Variants in FRMPD4 observed in about 807,000 individuals in gnomAD.
FRMPD4 encodes the protein FERM and PDZ domain containing 4, also known as FERM and PDZ domain-containing protein 4.
Under a neutral mutation model 94.1 loss-of-function variants are expected in FRMPD4, and 22 were observed. That is an observed-to-expected ratio of 0.23 (90% confidence interval 0.17 to 0.33). The LOEUF (loss-of-function observed/expected upper bound fraction) is 0.33. FRMPD4 is among the 10% of genes least tolerant of loss of function. The pLI, the probability that FRMPD4 is intolerant of heterozygous loss-of-function variation, is 1.00. For synonymous variants in FRMPD4, 631 were observed against 548.6 expected (o/e 1.15, Z -2.10); for missense variants, 1,111 against 1,339.9 (o/e 0.83, Z 2.67).
Position 12,626,211 on chromosome X carries a change from T to C in FRMPD4, c.422+11330T>C, listed in dbSNP as rs1345720695. On this transcript the variant is annotated intron_variant, in intron 4 of 16. Transcript: ENST00000675598. ...AGGCATGGTGGTACACACCTGTAGT[T>C]CCAGCTACTCGAGAGGCTGAGGCAG... 1.2e-4 allele frequency among the ~76,000 whole-genome samples: 13 copies of C among 108,357 alleles called. No individual in the cohort carries two copies. The Admixed American group carries it at 1.3e-3, about 11-fold the overall frequency. 94.1% of individuals were successfully genotyped at this position (108,357 alleles called of 115,157 possible).
At chrX:11,908,314 C>A (rs995943086) in intron 3 of FRMPD4, among the ~76,000 whole-genome samples, 4 of 111,913 alleles carry the variant, frequency 3.6e-5, no homozygotes, top group Admixed American at 2.8e-4. Flanking sequence ...TCTGCCTGTA[C>A]ACAGCCTCCT....
intron 3 of FRMPD4, among the ~76,000 whole-genome samples, chrX:12,124,321 T>C (rs2055481703): frequency 8.9e-6 from 1 of 111,849 alleles, no homozygotes; most frequent in Admixed American, 9.5e-5. Context: ...AATAAGTATT[T>C]TTTTCTCCCA....
upstream of FRMPD4, among the ~76,000 whole-genome samples, chrX:12,138,284 A>T (rs952767346): frequency 8.9e-6 from 1 of 112,446 alleles, no homozygotes; most frequent in Non-Finnish European, 1.9e-5. Context: ...CTGCGGTTGC[A>T]CGGCTCTCCT....
chrX:12,471,920 T>C (rs1333431478), intron 1 of FRMPD4, among the ~76,000 whole-genome samples: 3 of 111,851 alleles, frequency 2.7e-5, no homozygotes, highest in Non-Finnish European at 3.8e-5. Context: ...AATGTGGATA[T>C]ATAATGCAAC....
At chrX:12,397,808 C>T (rs1343981738) in intron 1 of FRMPD4, among the ~76,000 whole-genome samples, 1 of 111,617 alleles carries the variant, frequency 9.0e-6, no homozygotes, top group African/African-American at 3.3e-5. Context: ...TGGCTGGCAG[C>T]ATGGTTGCTA....
intron 2 of FRMPD4, among the ~76,000 whole-genome samples, chrX:12,577,757 G>A (rs1196291286): frequency 9.0e-6 from 1 of 111,724 alleles, no homozygotes; most frequent in East Asian, 2.8e-4. Flanking sequence ...AAACTGGAGT[G>A]GATGCAAGAG....
At chrX:12,661,400 T>G (rs2059712144) in intron 4 of FRMPD4, among the ~76,000 whole-genome samples, 1 of 112,131 alleles carries the variant, frequency 8.9e-6, no homozygotes, top group Non-Finnish European at 1.9e-5. Flanking sequence ...CACTCAAGGG[T>G]GAAAATGGTA....
chrX:11,918,037 C>A (rs940461452), intron 3 of FRMPD4, among the ~76,000 whole-genome samples: 1 of 111,737 alleles, frequency 8.9e-6, no homozygotes, highest in African/African-American at 3.3e-5. Context: ...TGTTGAGGCT[C>A]TGGACTAAAC....
chrX:12,178,280 G>A (rs1377167743), intron 1 of FRMPD4, among the ~76,000 whole-genome samples: 2 of 111,272 alleles, frequency 1.8e-5, no homozygotes, highest in African/African-American at 6.5e-5. Context: ...ATACATTTCT[G>A]TTGTTTATAA....
In FRMPD4 at chrX:12,139,191, T is replaced by G. The variant is rs930440172; in HGVS notation, c.41+179T>G. Among the ~76,000 whole-genome samples, 4 of 111,447 alleles carry G rather than the reference T, an allele frequency of 3.6e-5. 1 individual carries two copies. The highest frequency in any genetic ancestry group is 7.6e-5 in the Non-Finnish European group (4 of 52,937). On this transcript the variant is annotated intron_variant, in intron 1 of 16. Coordinates refer to ENST00000675598, the MANE Select transcript of FRMPD4 (RefSeq NM_001368397.1). ...TTCTCACTGGCTGCTGAGGCTTGTG[T>G]AGCGGCGGGTGTAGACCACACACAG...
intron 3 of FRMPD4, among the ~76,000 whole-genome samples, chrX:11,890,535 GT>G (rs918244651): frequency 8.9e-6 from 1 of 112,471 alleles, no homozygotes; most frequent in African/African-American, 3.2e-5. Flanking sequence ...CTATTATGTG[GT>G]TTGTTTTTCA....
chrX:11,935,373 C>T (rs900451326), intron 3 of FRMPD4, among the ~76,000 whole-genome samples: 1 of 18,478 alleles, frequency 5.4e-5, no homozygotes, highest in African/African-American at 1.8e-4. Context: ...CATGCTTGTG[C>T]GCTGCACCCA....
At chrX:11,846,015 G>A (rs1307926860) in intron 1 of FRMPD4, among the ~76,000 whole-genome samples, 1 of 102,557 alleles carries the variant, frequency 9.8e-6, no homozygotes, top group Non-Finnish European at 2.0e-5. Context: ...ACATAGTGTT[G>A]GAAGTTCTGG....
intron 2 of FRMPD4, among the ~76,000 whole-genome samples, chrX:12,578,601 T>G (rs1276745724): frequency 1.8e-5 from 2 of 112,151 alleles, no homozygotes; most frequent in African/African-American, 6.5e-5. Context: ...TTTATGTTAC[T>G]GTTTTCGAAC....
intron 1 of FRMPD4, among the ~76,000 whole-genome samples, chrX:12,193,832 AAGG>A (rs1384763073): frequency 9.5e-5 from 4 of 41,986 alleles, no homozygotes; most frequent in Admixed American, 4.1e-4. Flanking sequence ...GGAAGGAGGG[AAGG>A]AAGAAAGAAA....
chrX:12,089,629 C>T (rs12012619), intron 3 of FRMPD4, among the ~76,000 whole-genome samples: 1,814 of 111,846 alleles, frequency 0.016, 32 homozygotes, highest in African/African-American at 0.056. Context: ...GTCTTTCATC[C>T]ATTTAACTAT....
chrX:11,949,730 A>G (rs1179604840), intron 3 of FRMPD4, among the ~76,000 whole-genome samples: 1 of 111,660 alleles, frequency 9.0e-6, no homozygotes, highest in African/African-American at 3.3e-5. Context: ...ACACTGACCC[A>G]GAAGCCTGAG....
intron 1 of FRMPD4, among the ~76,000 whole-genome samples, chrX:12,200,913 T>C (rs1408066997): frequency 8.9e-6 from 1 of 112,513 alleles, no homozygotes; most frequent in East Asian, 2.8e-4. Context: ...AACAGCTTCT[T>C]CCACAGTGGG....
At chrX:12,384,420 A>C (rs1569255154) in intron 1 of FRMPD4, among the ~76,000 whole-genome samples, 1 of 111,549 alleles carries the variant, frequency 9.0e-6, no homozygotes, top group Non-Finnish European at 1.9e-5. Context: ...TGGGAGGTTG[A>C]ATTGGGAAGA....
Sources: gnomAD v4.1 joint callset for allele counts (sites outside exome capture counted in the v4.1 genomes callset) on GRCh38, gnomAD v4.1.1 for gene constraint, MANE v1.5 for transcripts, NCBI Gene and HGNC (gene_info 2026-07-23, HGNC 2026-07-21) for gene names.